OSBPL6: variants seen among roughly 807,000 people sequenced by gnomAD.
OSBPL6 encodes the protein oxysterol binding protein like 6.
A neutral mutation model predicts 125.8 loss-of-function variants in OSBPL6; 49 were observed. The ratio of observed to expected loss-of-function variants is 0.39; its 90% CI spans 0.31 to 0.49. OSBPL6 has a LOEUF of 0.49. Among genes scored for constraint, OSBPL6 ranks in the 20% least tolerant of loss-of-function variants. OSBPL6 has a pLI of 0.88. For missense variants in OSBPL6, 986 were observed against 1,135.4 expected (o/e 0.87, Z 1.89); for synonymous variants, 394 against 391.8 (o/e 1.01, Z -0.07).
At chr2:178,216,091 C>A (rs1338295625) in intron 1 of OSBPL6, among the ~76,000 whole-genome samples, 1 of 152,044 alleles carries the variant, frequency 6.6e-6, no homozygotes, top group Non-Finnish European at 1.5e-5. Context: ...ACCTTGGTAC[C>A]AAAGATTCTT....
chr2:178,263,161 A>G (rs1167147889), intron 1 of OSBPL6, among the ~76,000 whole-genome samples: 1 of 152,200 alleles, frequency 6.6e-6, no homozygotes, highest in Non-Finnish European at 1.5e-5. Context: ...TGTTAGTATG[A>G]TCTTGGATAA....
At chr2:178,250,872 AC>A (rs1403923806) in intron 1 of OSBPL6, among the ~76,000 whole-genome samples, 2 of 151,830 alleles carry the variant, frequency 1.3e-5, no homozygotes, top group African/African-American at 2.4e-5. Flanking sequence ...CCCACCATTA[AC>A]CTGTCAGGCT....
chr2:178,382,816 T>C, intron 16 of OSBPL6: 2 of 1,399,624 alleles, frequency 1.4e-6, no homozygotes, highest in East Asian at 2.5e-5. Flanking sequence ...TTTGAGTGTA[T>C]CTAATGCCTT....
At chr2:178,322,649 GT>G (rs201431427) in intron 3 of OSBPL6, among the ~76,000 whole-genome samples, 1,876 of 152,138 alleles carry the variant, frequency 0.012, 48 homozygotes, top group African/African-American at 0.043. Flanking sequence ...TTTGAATGAA[GT>G]TTTTTGTTGA....
intron 1 of OSBPL6, among the ~76,000 whole-genome samples, chr2:178,283,865 A>G (rs1574743092): frequency 6.6e-6 from 1 of 152,284 alleles, no homozygotes; most frequent in East Asian, 1.9e-4. Flanking sequence ...TTTTTCAGCA[A>G]TCAGTTCTTG....
In OSBPL6 at chr2:178,383,240, A is replaced by G; in HGVS notation, c.1838A>G (p.Asp613Gly). ...GAAATGGAATACAGCGAGCTCCTGG[A>G]CAAGGCTTCGGAAACTGATGATCCA... ...CEEMEYSELL[D>G]KASETDDPYE... The change falls in exon 17 of 25, where the codon GAC becomes GGC. Residue 613 changes from aspartate (D) to glycine (G), a missense_variant. Physicochemically the swap from Asp to Gly is moderately conservative, Grantham distance 94. Transcript: ENST00000190611. 1 of 1,614,224 alleles carries G rather than the reference A, an allele frequency of 6.2e-7. No homozygotes were observed. The highest frequency in any genetic ancestry group is 8.5e-7 in the Non-Finnish European group (1 of 1,180,044).
At chr2:178,204,243 C>T (rs1013859696) in intron 1 of OSBPL6, among the ~76,000 whole-genome samples, 2 of 152,076 alleles carry the variant, frequency 1.3e-5, no homozygotes, top group East Asian at 1.9e-4. Context: ...AAGCCAGTCT[C>T]GAACACCTGA....
rs1694652295 is a variant in OSBPL6, at chr2:178,383,289, C to A, written c.1875+12C>A. 6.2e-7 allele frequency: 1 copy of A among 1,612,234 alleles called. No individual in the cohort carries two copies. The highest frequency in any genetic ancestry group is 8.5e-7 in the Non-Finnish European group (1 of 1,179,244). ...CATATGAGCGCATGGTAATAAATAA[C>A]TAACAGAGCAGCGCCCCTCAGGGAT... On this transcript the variant is annotated intron_variant, in intron 17 of 24. Transcript: ENST00000190611.
chr2:178,260,119 G>A (rs556971643), intron 1 of OSBPL6, among the ~76,000 whole-genome samples: 1 of 152,290 alleles, frequency 6.6e-6, no homozygotes, highest in African/African-American at 2.4e-5. Flanking sequence ...TGCTGCTAAT[G>A]ATGTGTCATA....
chr2:178,263,819 G>GTC (rs1166000920), intron 1 of OSBPL6, among the ~76,000 whole-genome samples: 3 of 151,744 alleles, frequency 2.0e-5, no homozygotes, highest in Admixed American at 1.3e-4. Context: ...GTGTGTGTGT[G>GTC]TGTGTGTGTG....
intron 1 of OSBPL6, among the ~76,000 whole-genome samples, chr2:178,228,192 C>G (rs1266226898): frequency 6.6e-6 from 1 of 152,200 alleles, no homozygotes; most frequent in Non-Finnish European, 1.5e-5. Flanking sequence ...TAGAAGGTAT[C>G]TCTTCCACTT....
rs1330220365 is a variant in OSBPL6 at position 178,368,246 on chromosome 2, A to C, written c.1288-3880A>C. 2.0e-5 allele frequency among the ~76,000 whole-genome samples: 3 copies of C among 152,134 alleles called. No individual in the cohort carries two copies. In the East Asian group the frequency reaches 5.8e-4, roughly 29 times the overall value. ...GGCGCTTGGTTGTAGCAAACTTTAA[A>C]AACAGCCTGTACGATCAAGGCAAAA... On this transcript the variant is annotated intron_variant, in intron 13 of 24. Transcript: ENST00000190611.
At chr2:178,215,098 TA>T (rs77043400) in intron 1 of OSBPL6, among the ~76,000 whole-genome samples, 1,785 of 138,572 alleles carry the variant, frequency 0.013, 14 homozygotes, top group East Asian at 0.031. Flanking sequence ...AATTATCCTT[TA>T]AAAAAAAAAA....
At chr2:178,328,646 C>T (rs868326845) in intron 5 of OSBPL6, among the ~76,000 whole-genome samples, 1 of 152,090 alleles carries the variant, frequency 6.6e-6, no homozygotes, top group East Asian at 1.9e-4. Flanking sequence ...TGCCACCATG[C>T]CTGACTAATT....
At chr2:178,322,230 T>C (rs1418390274) in intron 3 of OSBPL6, among the ~76,000 whole-genome samples, 1 of 152,228 alleles carries the variant, frequency 6.6e-6, no homozygotes, top group Non-Finnish European at 1.5e-5. Context: ...TTGTTTTTCT[T>C]ACCACGTTTT....
chr2:178,395,494 G>T lies in OSBPL6; in HGVS notation c.2740G>T (p.Asp914Tyr). The T allele has an allele frequency of 6.2e-7, 1 of 1,613,696 alleles. No individual in the cohort carries two copies. Among genetic ancestry groups the T allele is most frequent in the Non-Finnish European group, 8.5e-7 (1 of 1,179,772 alleles). The part of the protein sequence containing the change: ...ANQREAWVSN[D>Y]TYWELRKDPG... The stretch of plus-strand genomic sequence containing the variant: ...TCAAAGAGAAGCCTGGGTTTCTAAC[G>T]ACACCTACTGGGAGCTTCGAAAGGA... The change falls in exon 25 of 25, where the codon GAC becomes TAC. Residue 914 changes from aspartate (D) to tyrosine (Y), a missense_variant. Asp to Tyr is a radical substitution (Grantham distance 160, BLOSUM62 -3). Around this residue, in one of 3 missense-constraint regions of OSBPL6, gnomAD observed 843 missense variants for 997.3 expected, o/e 0.85. Coordinates refer to ENST00000190611, the MANE Select transcript of OSBPL6 (RefSeq NM_032523.4).
At chr2:178,224,581 G>A (rs980785011) in intron 1 of OSBPL6, among the ~76,000 whole-genome samples, 13 of 152,188 alleles carry the variant, frequency 8.5e-5, no homozygotes, top group African/African-American at 2.7e-4. Flanking sequence ...ATTATAGGAC[G>A]CATTTTTATT....
chr2:178,210,273 C>T (rs2089784125), intron 1 of OSBPL6, among the ~76,000 whole-genome samples: 1 of 151,964 alleles, frequency 6.6e-6, no homozygotes, highest in South Asian at 2.1e-4. Context: ...GATCCTCCCG[C>T]CTCCCAAAGT....
At chr2:178,298,023 T>C (rs1304896411) in intron 2 of OSBPL6, among the ~76,000 whole-genome samples, 4 of 152,204 alleles carry the variant, frequency 2.6e-5, no homozygotes, top group Admixed American at 6.5e-5. Context: ...TCCCATTTCC[T>C]CCTCCTTACA....
Sources: gnomAD v4.1 joint callset for allele counts (sites outside exome capture counted in the v4.1 genomes callset) on GRCh38, gnomAD v4.1.1 for gene constraint, gnomAD v4.1.1 regional missense constraint, MANE v1.5 for transcripts, NCBI Gene and HGNC (gene_info 2026-07-23, HGNC 2026-07-21) for gene names.